The following MACROD2 variants were observed in gnomAD, a reference collection of about 807,000 sequenced individuals.
The protein encoded by MACROD2 is ADP-ribose glycohydrolase MACROD2.
In MACROD2, 36 loss-of-function variants were observed where a neutral mutation model predicts 70.4. The ratio of observed to expected loss-of-function variants is 0.51; its 90% confidence interval spans 0.39 to 0.68. The LOEUF is 0.68. Among genes scored for constraint, MACROD2 ranks in the 30% least tolerant of loss-of-function variants. The pLI, the probability that MACROD2 is intolerant of heterozygous loss-of-function variation, is 0.00. For missense variants in MACROD2, 496 were observed against 538.4 expected, an observed-to-expected ratio of 0.92 and a Z score of 0.78; for synonymous variants, 172 against 178.8, an observed-to-expected ratio of 0.96 and a Z score of 0.30.
intron 8 of MACROD2, among the ~76,000 whole-genome samples, chr20:15,764,697 T>G (rs1457526040): frequency 6.6e-6 from 1 of 152,030 alleles, no homozygotes; most frequent in African/African-American, 2.4e-5. Flanking sequence ...TCCTGATGGG[T>G]TTTCCTGATT....
At chr20:14,113,029 C>G (rs2054472199) in intron 3 of MACROD2, among the ~76,000 whole-genome samples, 1 of 151,730 alleles carries the variant, frequency 6.6e-6, no homozygotes, top group South Asian at 2.1e-4. Flanking sequence ...AAATTTGTGC[C>G]TTTTGAATAA....
chr20:16,048,578 G>GA (rs1308543701), intron 17 of MACROD2, among the ~76,000 whole-genome samples: 1 of 152,004 alleles, frequency 6.6e-6, no homozygotes, highest in Non-Finnish European at 1.5e-5. Context: ...TGAGATTACT[G>GA]AAAACCAGGG....
intron 15 of MACROD2, among the ~76,000 whole-genome samples, chr20:15,995,361 T>A (rs1010445114): frequency 2.6e-5 from 4 of 151,526 alleles, no homozygotes; most frequent in South Asian, 2.1e-4. Context: ...TATTATTATT[T>A]TTTTTGGAGA....
intron 3 of MACROD2, among the ~76,000 whole-genome samples, chr20:14,130,975 A>C (rs1375948740): frequency 3.4e-5 from 5 of 147,316 alleles, no homozygotes; most frequent in African/African-American, 1.3e-4. Context: ...CCCAAGCCAG[A>C]CTGAAGTAGC....
intron 5 of MACROD2, among the ~76,000 whole-genome samples, chr20:15,200,893 A>G (rs1240747348): frequency 3.9e-5 from 6 of 152,220 alleles, no homozygotes; most frequent in African/African-American, 1.4e-4. Context: ...CATGGACCAC[A>G]CTTTGAGTAA....
At chr20:14,482,695 A>C (rs1456727185) in intron 3 of MACROD2, among the ~76,000 whole-genome samples, 1 of 152,186 alleles carries the variant, frequency 6.6e-6, no homozygotes, top group Non-Finnish European at 1.5e-5. Context: ...TTGAATTTTC[A>C]TTAATTTATT....
At chr20:15,398,843 A>G (rs1294376664) in intron 6 of MACROD2, among the ~76,000 whole-genome samples, 1 of 152,050 alleles carries the variant, frequency 6.6e-6, no homozygotes, top group Non-Finnish European at 1.5e-5. Flanking sequence ...TTTAAGAGAT[A>G]GGGTCTCACT....
intron 5 of MACROD2, among the ~76,000 whole-genome samples, chr20:14,789,459 A>ATTTTT (rs1230000349): frequency 2.0e-5 from 1 of 48,826 alleles, no homozygotes; most frequent in Non-Finnish European, 4.4e-5. Context: ...AGGTAGTGCA[A>ATTTTT]ATTTTTTTTT....
chr20:15,072,138 G>A (rs1248241040), intron 5 of MACROD2, among the ~76,000 whole-genome samples: 1 of 152,106 alleles, frequency 6.6e-6, no homozygotes, highest in Non-Finnish European at 1.5e-5. Context: ...TAAATGGATT[G>A]TAATGTCTTT....
intron 3 of MACROD2, among the ~76,000 whole-genome samples, chr20:14,456,021 T>C (rs1200307341): frequency 6.6e-6 from 1 of 151,852 alleles, no homozygotes; most frequent in Non-Finnish European, 1.5e-5. Flanking sequence ...TTTGCAGTGA[T>C]TCTATTAAAA....
At chr20:16,043,413 A>G (rs1213035717) in intron 16 of MACROD2, among the ~76,000 whole-genome samples, 1 of 152,070 alleles carries the variant, frequency 6.6e-6, no homozygotes, top group Non-Finnish European at 1.5e-5. Flanking sequence ...TCAGAATTCT[A>G]TCATTATATA....
intron 8 of MACROD2, among the ~76,000 whole-genome samples, chr20:15,662,265 A>G (rs1364828142): frequency 1.3e-5 from 2 of 152,200 alleles, no homozygotes; most frequent in African/African-American, 2.4e-5. Context: ...TTCAAGATCT[A>G]CTGTATCAGT....
intron 6 of MACROD2, among the ~76,000 whole-genome samples, chr20:15,285,650 C>A (rs2077484251): frequency 6.6e-6 from 1 of 152,108 alleles, no homozygotes; most frequent in Non-Finnish European, 1.5e-5. Flanking sequence ...ACATATTAAA[C>A]CTCATTAACA....
intron 8 of MACROD2, among the ~76,000 whole-genome samples, chr20:15,556,990 G>A (rs529991706): frequency 5.6e-4 from 85 of 152,234 alleles, no homozygotes; most frequent in Non-Finnish European, 9.0e-4. Context: ...ACCCATATTA[G>A]CTTGACCATT....
At chr20:14,337,447 G>C (rs911358224) in intron 3 of MACROD2, 101 of 388,664 alleles carry the variant, frequency 2.6e-4, no homozygotes, top group Non-Finnish European at 4.3e-4. Context: ...TGCCGCTATA[G>C]CTGTAATTCC....
Position 14,326,041 on chromosome 20 carries a change from A to G in MACROD2, c.272-167438A>G. The G allele has an allele frequency of 6.2e-7, 1 of 1,613,942 alleles. No homozygotes were observed. The highest frequency in any genetic ancestry group is 8.5e-7 in the Non-Finnish European group (1 of 1,179,888). On this transcript the variant is annotated intron_variant, in intron 3 of 17. Coordinates refer to ENST00000684519, the MANE Select transcript of MACROD2 (RefSeq NM_001351661.2). The surrounding 1 kb of genome is among the most constrained non-coding windows in gnomAD (Gnocchi z 5.5). ...AATACAAACAGGAGTTTCATCAAAT[A>G]GGTAGAGGTTGCTGGTTTCCATGGG... is the stretch of plus-strand genomic sequence containing the variant.
chr20:14,774,831 A>G (rs2072214047), intron 5 of MACROD2, among the ~76,000 whole-genome samples: 1 of 152,074 alleles, frequency 6.6e-6, no homozygotes, highest in African/African-American at 2.4e-5. Flanking sequence ...GAATTCATAG[A>G]ATTTAGACAC....
intron 6 of MACROD2, among the ~76,000 whole-genome samples, chr20:15,263,474 G>C (rs980779606): frequency 6.6e-6 from 1 of 151,838 alleles, no homozygotes; most frequent in Admixed American, 6.6e-5. Flanking sequence ...GATTCCCCTA[G>C]TTTTGTTCTT....
At chr20:14,263,972 AACACACACACAC>A (rs71190124) in intron 3 of MACROD2, among the ~76,000 whole-genome samples, 33,929 of 126,880 alleles carry the variant, frequency 0.27, 4,799 homozygotes, top group Non-Finnish European at 0.32. Flanking sequence ...ACCCTATCTA[AACACACACACAC>A]ACACACACAC....
Sources: gnomAD v4.1 joint callset for allele counts (sites outside exome capture counted in the v4.1 genomes callset) on GRCh38, gnomAD v4.1.1 for gene constraint, Gnocchi (gnomAD v3.1) non-coding constraint, MANE v1.5 for transcripts, NCBI Gene and HGNC (gene_info 2026-07-23, HGNC 2026-07-21) for gene names.